Variants in SFTPA2 observed in about 807,000 individuals in gnomAD.
SFTPA2 encodes pulmonary surfactant-associated protein A2.
Under a neutral mutation model 20.3 loss-of-function variants are expected in SFTPA2, and 21 were observed. The ratio of observed to expected loss-of-function variants is 1.03; its 90% CI spans 0.73 to 1.49. SFTPA2 has a LOEUF of 1.49. SFTPA2 is among the 40% of genes most tolerant of loss of function. The pLI is 0.00. For synonymous variants in SFTPA2, 116 were observed against 118.7 expected (o/e 0.98, Z 0.15); for missense variants, 302 against 314.8 (o/e 0.96, Z 0.31).
chr10:79,559,419 A>T lies in SFTPA2; in HGVS notation c.65T>A (p.Val22Glu), dbSNP rs750597656. Residue 22 changes from valine to glutamate, a missense_variant, in exon 3 of 6, where the codon GTG (valine) becomes GAG (glutamate). This residue lies in a region of SFTPA2 where 31 missense variants were observed against 29.8 expected (regional missense o/e 1.04). Coordinates refer to ENST00000372325, the MANE Select transcript of SFTPA2 (RefSeq NM_001098668.4). ...AGGGCTTCCAACACAAACGTCCTTC[A>T]CTTCGCACGCAGCACCAGAGGCTGC... ...LMAASGAACE[V>E]KDVCVGSPGI... is the part of the protein sequence containing the mutation. The T allele has an allele frequency of 6.2e-7, 1 of 1,613,680 alleles. No homozygotes were observed. Among genetic ancestry groups the T allele is most frequent in the Non-Finnish European group, 8.5e-7 (1 of 1,179,810 alleles).
chr10:79,558,486 C>T (rs61860558), intron 4 of SFTPA2, among the ~76,000 whole-genome samples: 55,840 of 151,324 alleles, frequency 0.37, 10,559 homozygotes, highest in South Asian at 0.54. Context: ...TTGCTTACCG[C>T]TCTGAGCTTC....
At chr10:79,559,080 A>G (rs928651795) in intron 3 of SFTPA2, 75 bp from the exon 4 acceptor site, 3 of 1,613,262 alleles carry the variant, frequency 1.9e-6, no homozygotes, top group Admixed American at 1.7e-5. Context: ...CTCGATGCCC[A>G]TTATCACCGG....
At chr10:79,558,839 G>T (rs775576913) in intron 4 of SFTPA2, 47 bp downstream of exon 4, 2 of 1,613,562 alleles carry the variant, frequency 1.2e-6, no homozygotes, top group South Asian at 2.2e-5. Context: ...CTGACTTCAG[G>T]TCGCTGTGCC....
chr10:79,558,973 G>T lies in SFTPA2; in HGVS notation c.205C>A (p.Pro69Thr), dbSNP rs758205245. Reference sequence around the variant, plus strand: ...CCAGGCAGCCCATTATTCCCAGGAGGACATGGTGTTTCTCCAGGCGGACCC... The same window carrying T: ...CCAGGCAGCCCATTATTCCCAGGAGTACATGGTGTTTCTCCAGGCGGACCC... ...PMGPPGETPC[P>T]PGNNGLPGAP... The change falls in exon 4 of 6, where the codon CCT (proline) becomes ACT (threonine). Residue 69 changes from proline to threonine, a missense_variant. Pro to Thr is a conservative substitution (Grantham distance 38, BLOSUM62 -1). This residue lies in a region of SFTPA2 where 264 missense variants were observed against 261.7 expected (regional missense o/e 1.01). Transcript: ENST00000372325. 2 of 1,614,114 alleles carry T rather than the reference G, an allele frequency of 1.2e-6. No homozygotes were observed. Among genetic ancestry groups the T allele is most frequent in the Non-Finnish European group, 1.7e-6 (2 of 1,180,020 alleles).
chr10:79,558,031 A>C (rs1482724977), intron 5 of SFTPA2, 21 bp downstream of exon 5: 2 of 1,614,046 alleles, frequency 1.2e-6, no homozygotes, highest in Non-Finnish European at 1.7e-6. Context: ...CTACCCCGTG[A>C]GGCCCAGGGG....
intron 2 of SFTPA2, 94 bp downstream of exon 2, chr10:79,559,875 G>C: frequency 2.2e-6 from 3 of 1,385,760 alleles, no homozygotes; most frequent in Non-Finnish European, 2.8e-6. Context: ...ATGCTCTGCA[G>C]AAAACCTGCC....
Position 79,558,953 on chromosome 10 carries a change from C to A in SFTPA2, c.225G>T (p.Leu75=). The A allele has an allele frequency of 6.2e-7, 1 of 1,614,140 alleles. No homozygotes were observed. Among genetic ancestry groups the A allele is most frequent in the South Asian group, 1.1e-5 (1 of 91,080 alleles). The change falls in exon 4 of 6, where the codon CTG becomes CTT. Residue 75 remains leucine, a synonymous_variant. Coordinates refer to ENST00000372325, the MANE Select transcript of SFTPA2 (RefSeq NM_001098668.4). ...ETPCPPGNNG[L]PGAPGVPGER... Reference sequence around the variant, plus strand: ...CTCCAGGGACACCAGGGGCTCCAGGCAGCCCATTATTCCCAGGAGGACATG... The same window carrying A: ...CTCCAGGGACACCAGGGGCTCCAGGAAGCCCATTATTCCCAGGAGGACATG...
intron 4 of SFTPA2, among the ~76,000 whole-genome samples, chr10:79,558,474 A>G (rs1858941924): frequency 6.6e-6 from 1 of 151,912 alleles, no homozygotes; most frequent in African/African-American, 2.4e-5. Flanking sequence ...GCCCTGATGG[A>G]CTTGCTTACC....
chr10:79,557,391 G>A lies in SFTPA2; in HGVS notation c.565C>T (p.Leu189=). The stretch of plus-strand genomic sequence containing the variant: ...TCTCCAGGGCTGGGACCCTCAGTCA[G>A]GCCTACATAGGCATATGTGTTGTAC... ...KKYNTYAYVG[L]TEGPSPGDFR... is the part of the protein sequence containing the mutation. The change falls in exon 6 of 6, where the codon CTG becomes TTG. Residue 189 remains leucine (L), a synonymous_variant. Coordinates refer to ENST00000372325, the MANE Select transcript of SFTPA2 (RefSeq NM_001098668.4). 1 of 1,614,026 alleles carries A rather than the reference G, an allele frequency of 6.2e-7. No individual in the cohort carries two copies. Among genetic ancestry groups the A allele is most frequent in the Non-Finnish European group, 8.5e-7 (1 of 1,179,936 alleles).
rs1196550765 is a variant in SFTPA2, at chr10:79,560,042, T to TGAAGG, written c.-53-45_-53-44insCCTTC. 3.7e-6 allele frequency: 4 copies of TGAAGG among 1,083,858 alleles called. No individual in the cohort carries two copies. In the African/African-American group the frequency reaches 6.6e-5, roughly 18 times the overall value. The allele number at this position is 1,083,858 out of a possible 1,614,324, so 67.1% of individuals were successfully genotyped here. A position where few individuals can be genotyped will look rare whatever the true frequency, so the allele number is the denominator to read the frequency against. On this transcript the variant is annotated intron_variant, in intron 1 of 5. Transcript: ENST00000372325. ...GAATAGGGCCCACAGCCTGGACCCTTCAAGGTGATCATCGGGGGGTGATGA... is the reference window on the plus strand; with the variant it reads ...GAATAGGGCCCACAGCCTGGACCCTTGAAGGCAAGGTGATCATCGGGGGGTGATGA...
chr10:79,560,122 TC>T, intron 1 of SFTPA2, 124 bp from the exon 2 acceptor site: 1 of 701,082 alleles, frequency 1.4e-6, no homozygotes, highest in Non-Finnish European at 1.8e-6. Context: ...GTTCTCCCAC[TC>T]CCCCTGCTTA....
intron 4 of SFTPA2, among the ~76,000 whole-genome samples, 193 bp downstream of exon 4, chr10:79,558,693 G>T (rs1368808187): frequency 2.6e-5 from 4 of 152,108 alleles, no homozygotes; most frequent in Non-Finnish European, 5.9e-5. Context: ...TCCCACACCT[G>T]CCCTTCTCTG....
Position 79,556,847 on chromosome 10 carries a change from C to G in SFTPA2, c.*362G>C. ...CTGAGGGGACCAGGAGGCAGGCACTCTGTGTGACTTTGGAGGATCCTTCTA... is the reference window on the plus strand; with the variant it reads ...CTGAGGGGACCAGGAGGCAGGCACTGTGTGTGACTTTGGAGGATCCTTCTA... On this transcript the variant is annotated 3_prime_UTR_variant, in exon 6 of 6. Transcript: ENST00000372325. 1 of 355,480 alleles carries G rather than the reference C, an allele frequency of 2.8e-6. No homozygotes were observed. The highest frequency in any genetic ancestry group is 8.6e-4 in the Middle Eastern group (1 of 1,166). 22.0% of individuals were successfully genotyped at this position (355,480 alleles called of 1,614,324 possible). A position where few individuals can be genotyped will look rare whatever the true frequency, so the allele number is the denominator to read the frequency against.
chr10:79,557,930 T>C, intron 5 of SFTPA2, 122 bp downstream of exon 5: 1 of 1,495,516 alleles, frequency 6.7e-7, no homozygotes, highest in Non-Finnish European at 9.3e-7. Flanking sequence ...GCAAGCATCA[T>C]TCCTTTCCCC....
chr10:79,559,111 C>G lies in SFTPA2; in HGVS notation c.173-106G>C, dbSNP rs939859303. ...ACCGGGGCTGGCTCAGCTATCACTC[C>G]GTGGGCACTATGAGGACAGACTCTC... On this transcript the variant is annotated intron_variant, in intron 3 of 5. Coordinates refer to ENST00000372325, the MANE Select transcript of SFTPA2 (RefSeq NM_001098668.4). 3 of 1,608,618 alleles carry G rather than the reference C, an allele frequency of 1.9e-6. No homozygotes were observed. In the African/African-American group the frequency reaches 4.0e-5, roughly 22 times the overall value.
chr10:79,558,772 G>A (rs1858970433), intron 4 of SFTPA2, 114 bp downstream of exon 4: 4 of 1,571,142 alleles, frequency 2.5e-6, no homozygotes, highest in Non-Finnish European at 2.6e-6. Flanking sequence ...CTTAGGTTGA[G>A]CCAAATGCCC....
intron 2 of SFTPA2, 154 bp from the exon 3 acceptor site, chr10:79,559,660 A>G: frequency 4.5e-6 from 7 of 1,556,350 alleles, no homozygotes; most frequent in South Asian, 2.4e-5. Context: ...GAAAATTCCA[A>G]GCATCACCTG....
Position 79,559,478 on chromosome 10 carries a change from C to T in SFTPA2, c.6G>A (p.Trp2Ter). 1 of 1,612,712 alleles carries T rather than the reference C, an allele frequency of 6.2e-7. No individual in the cohort carries two copies. The highest frequency in any genetic ancestry group is 8.5e-7 in the Non-Finnish European group (1 of 1,179,134). Residue 2 changes from tryptophan (W) to a stop codon, truncating the protein, a stop_gained, in exon 3 of 6, where the codon TGG becomes TGA. Transcript: ENST00000372325. LOFTEE classifies it high-confidence loss of function. ...TGAGGGTGAGGGCCAGAGGGCACAGCCACATGGCTCTGGGTCCAGTCGCTG... is the reference window on the plus strand; with the variant it reads ...TGAGGGTGAGGGCCAGAGGGCACAGTCACATGGCTCTGGGTCCAGTCGCTG... M[W>*]LCPLALTLIL... is the part of the protein sequence containing the mutation.
chr10:79,557,481 C>T lies in SFTPA2; in HGVS notation c.475G>A (p.Gly159Ser). 3 of 1,613,652 alleles carry T rather than the reference C, an allele frequency of 1.9e-6. No homozygotes were observed. The highest frequency in any genetic ancestry group is 2.5e-6 in the Non-Finnish European group (3 of 1,179,720). The change falls in exon 6 of 6, where the codon GGC (glycine) becomes AGC (serine). Residue 159 changes from glycine to serine, a missense_variant. This residue lies in a region of SFTPA2 where 264 missense variants were observed against 261.7 expected (regional missense o/e 1.01). Coordinates refer to ENST00000372325, the MANE Select transcript of SFTPA2 (RefSeq NM_001098668.4). ...TTCCTTGGGACAGCAATGCGGCCGCCTGCTCTGGCACATGCCTCCTGAATG... is the reference window on the plus strand; with the variant it reads ...TTCCTTGGGACAGCAATGCGGCCGCTTGCTCTGGCACATGCCTCCTGAATG... ...DAIQEACARA[G>S]GRIAVPRNPE... is the part of the protein sequence containing the mutation.
Sources: allele counts gnomAD v4.1 joint callset (sites outside exome capture counted in the v4.1 genomes callset), GRCh38; gene constraint gnomAD v4.1.1; regional missense constraint gnomAD v4.1.1; transcripts MANE v1.5; gene names NCBI Gene and HGNC (gene_info 2026-07-23, HGNC 2026-07-21).